The following PPP6R2 variants were observed in gnomAD, a reference collection of about 807,000 sequenced individuals.
The protein encoded by PPP6R2 is serine/threonine-protein phosphatase 6 regulatory subunit 2.
Under a neutral mutation model 100.2 loss-of-function variants are expected in PPP6R2, and 62 were observed. The ratio of observed to expected loss-of-function variants is 0.62; its 90% CI spans 0.50 to 0.76. PPP6R2 has a LOEUF of 0.76. PPP6R2 is among the 30% of genes least tolerant of loss of function. The probability of loss-of-function intolerance (pLI) is 0.00; values close to 1 mark genes in which losing one functional copy is unlikely to be tolerated. For synonymous variants in PPP6R2, 525 were observed against 514.7 expected, an observed-to-expected ratio of 1.02 and a Z score of -0.27; for missense variants, 1,142 against 1,276.3, an observed-to-expected ratio of 0.89 and a Z score of 1.60.
chr22:50,411,500 C>G (rs2059735830), intron 4 of PPP6R2, among the ~76,000 whole-genome samples: 1 of 151,968 alleles, frequency 6.6e-6, no homozygotes, highest in Non-Finnish European at 1.5e-5. Context: ...CACCTGTAAT[C>G]CCAGCATTTT....
intron 1 of PPP6R2, among the ~76,000 whole-genome samples, chr22:50,347,246 C>T (rs957128953): frequency 1.3e-5 from 2 of 151,970 alleles, no homozygotes; most frequent in Non-Finnish European, 2.9e-5. Flanking sequence ...CCCTGCCCTG[C>T]TGTTAGTGAC....
At chr22:50,373,560 AT>A (rs938478373) in intron 2 of PPP6R2, among the ~76,000 whole-genome samples, 1 of 134,822 alleles carries the variant, frequency 7.4e-6, no homozygotes, top group South Asian at 2.4e-4. Context: ...TTTATTCTTT[AT>A]TTTTTTTCAA....
intron 2 of PPP6R2, among the ~76,000 whole-genome samples, chr22:50,384,096 A>G (rs2053694727): frequency 6.6e-6 from 1 of 151,774 alleles, no homozygotes; most frequent in African/African-American, 2.4e-5. Context: ...GTGACATCAC[A>G]TCCCTTCTTT....
At chr22:50,405,515 A>G (rs1323195460) in intron 3 of PPP6R2, among the ~76,000 whole-genome samples, 12 of 93,900 alleles carry the variant, frequency 1.3e-4, no homozygotes, top group East Asian at 1.0e-3. Context: ...AGGCCTGGAG[A>G]GAGGTGAGAG....
rs1050404070 is a variant in PPP6R2, at chr22:50,414,578, C to G, written c.441C>G (p.Asp147Glu). Reference sequence around the variant, plus strand: ...TGATTACGTTTTTGAAGAAGAAGGACAAGTTCATCAGCCTGGTGTTGAAGC... The same window carrying G: ...TGATTACGTTTTTGAAGAAGAAGGAGAAGTTCATCAGCCTGGTGTTGAAGC... ...EQVITFLKKKDKFISLVLKHI... is the reference protein window; with the variant it reads ...EQVITFLKKKEKFISLVLKHI... The change falls in exon 5 of 24, where the codon GAC (aspartate) becomes GAG (glutamate). Residue 147 changes from aspartate to glutamate, a missense_variant. Transcript: ENST00000612753. 3 of 1,613,916 alleles carry G rather than the reference C, an allele frequency of 1.9e-6. No individual in the cohort carries two copies. The African/African-American group carries it at 4.0e-5, about 22-fold the overall frequency.
At chr22:50,415,973 T>A in intron 5 of PPP6R2, 119 bp from the exon 6 acceptor site, 1 of 867,326 alleles carries the variant, frequency 1.2e-6, no homozygotes, top group East Asian at 2.4e-5. Flanking sequence ...GTCTGGGGTG[T>A]GTCAGGCAAA....
At chr22:50,335,972 A>C in the PPP6R2 span, among the ~76,000 whole-genome samples, 3 of 149,804 alleles carry the variant, frequency 2.0e-5, no homozygotes, top group South Asian at 6.4e-4. Context: ...CACTGCACCC[A>C]GCCACAATGT....
rs189888590 is a variant in PPP6R2, at chr22:50,379,797, G to A, written c.-17+7647G>A. 9.1e-3 allele frequency among the ~76,000 whole-genome samples: 1,381 copies of A among 152,068 alleles called. 14 individuals are homozygous for A. The highest frequency in any genetic ancestry group is 0.016 in the Non-Finnish European group (1,068 of 67,982). On this transcript the variant is annotated intron_variant, in intron 2 of 23. Transcript: ENST00000612753. ...TAGGAGGCTGAGATGGGAGGATCAC[G>A]TGAGCCTTGGAAGTTGACATTGCCG...
At chr22:50,407,640 G>C (rs890463384) in intron 4 of PPP6R2, 3 of 152,394 alleles carry the variant, frequency 2.0e-5, no homozygotes, top group African/African-American at 7.2e-5. Context: ...TCAGCCAGCT[G>C]TAACGGGGTC....
rs1161469205 is a variant in PPP6R2, at chr22:50,444,943, C to T, written c.*696C>T. The T allele has an allele frequency of 1.3e-5, 2 of 152,630 alleles. No individual in the cohort carries two copies. The highest frequency in any genetic ancestry group is 2.9e-5 in the Non-Finnish European group (2 of 68,180). The allele number at this position is 152,630 out of a possible 1,614,324, so 9.5% of individuals were successfully genotyped here. A position where few individuals can be genotyped will look rare whatever the true frequency, so the allele number is the denominator to read the frequency against. The stretch of plus-strand genomic sequence containing the variant: ...TGGTGTGGCACTAGGGGCTCGAAGA[C>T]TGGTTTCTAGCACTACCGGTCACGG... On this transcript the variant is annotated 3_prime_UTR_variant, in exon 24 of 24. Transcript: ENST00000612753.
intron 1 of PPP6R2, among the ~76,000 whole-genome samples, chr22:50,370,573 C>T (rs1441033056): frequency 2.6e-5 from 4 of 151,960 alleles, no homozygotes; most frequent in South Asian, 4.2e-4. Flanking sequence ...AGGCGTGAGC[C>T]ACCACGCCTG....
chr22:50,421,867 C>CA (rs1317536795), intron 8 of PPP6R2, among the ~76,000 whole-genome samples: 1 of 150,518 alleles, frequency 6.6e-6, no homozygotes, highest in African/African-American at 2.4e-5. Context: ...GACTCTGGCT[C>CA]AAAAAAAATA....
chr22:50,370,572 C>T (rs1036715078), intron 1 of PPP6R2, among the ~76,000 whole-genome samples: 1 of 151,988 alleles, frequency 6.6e-6, no homozygotes. Flanking sequence ...CAGGCGTGAG[C>T]CACCACGCCT....
intron 1 of PPP6R2, among the ~76,000 whole-genome samples, chr22:50,349,111 C>T (rs951779385): frequency 2.0e-5 from 3 of 149,074 alleles, no homozygotes; most frequent in Admixed American, 6.8e-5. Context: ...AGGAGAATCG[C>T]TTGAACCTGG....
chr22:50,359,525 G>T (rs1569284754), intron 1 of PPP6R2, among the ~76,000 whole-genome samples: 1 of 151,134 alleles, frequency 6.6e-6, no homozygotes, highest in Non-Finnish European at 1.5e-5. Flanking sequence ...CCTGTGGAGT[G>T]TTTTTTTTTA....
At chr22:50,340,003 G>T (rs2042354267), upstream of PPP6R2, among the ~76,000 whole-genome samples, 1 of 144,280 alleles carries the variant, frequency 6.9e-6, no homozygotes. Flanking sequence ...TATGTGGCGT[G>T]TGTGTGGTAT....
Position 50,394,128 on chromosome 22 carries a change from C to T in PPP6R2, c.220C>T (p.Arg74Cys), listed in dbSNP as rs754771155. The T allele has an allele frequency of 3.1e-6, 5 of 1,613,804 alleles. No homozygotes were observed. Among genetic ancestry groups the T allele is most frequent in the East Asian group, 4.5e-5 (2 of 44,890 alleles). Residue 74 changes from arginine to cysteine, a missense_variant, in exon 3 of 24, where the codon CGC becomes TGC. Physicochemically the swap from Arg to Cys is radical, Grantham distance 180. This residue lies in a region of PPP6R2 where 592 missense variants were observed against 758.9 expected (regional missense o/e 0.78). Transcript: ENST00000612753. ...DPPLDMEEKV[R>C]FKYPNTACEL... ...GCCCCTGGACATGGAGGAGAAGGTC[C>T]GCTTCAAGTATGTACCAAAGCTGTG... is the stretch of plus-strand genomic sequence containing the variant.
the PPP6R2 span, among the ~76,000 whole-genome samples, chr22:50,332,626 C>CTTTT: frequency 7.5e-6 from 1 of 134,128 alleles, no homozygotes; most frequent in Non-Finnish European, 1.6e-5. Flanking sequence ...GGTTTAAATC[C>CTTTT]TTTTTTTTTT....
At chr22:50,382,326 C>T (rs117321735) in intron 2 of PPP6R2, among the ~76,000 whole-genome samples, 31 of 152,012 alleles carry the variant, frequency 2.0e-4, no homozygotes, top group Non-Finnish European at 3.5e-4. Context: ...AAACAGGGCA[C>T]GGTGGCTCAT....
Sources: gnomAD v4.1 joint callset for allele counts (sites outside exome capture counted in the v4.1 genomes callset) on GRCh38, gnomAD v4.1.1 for gene constraint, gnomAD v4.1.1 regional missense constraint, MANE v1.5 for transcripts, NCBI Gene and HGNC (gene_info 2026-07-23, HGNC 2026-07-21) for gene names.